Variants in CAPZA1 observed in about 807,000 individuals in gnomAD.
CAPZA1 encodes the protein capping actin protein of muscle Z-line subunit alpha 1, also known as F-actin-capping protein subunit alpha-1.
A neutral mutation model predicts 40.8 loss-of-function variants in CAPZA1; 10 were observed. The ratio of observed to expected loss-of-function variants is 0.25; its 90% CI spans 0.15 to 0.42. The LOEUF is 0.42. Ranked by LOEUF, CAPZA1 falls within the 10% of genes least tolerant of loss-of-function variation. The pLI is 1.00. For synonymous variants in CAPZA1, 98 were observed against 115.0 expected (o/e 0.85, Z 0.95); for missense variants, 277 against 353.8 (o/e 0.78, Z 1.74).
chr1:112,623,627 C>T (rs1179460344), intron 1 of CAPZA1, among the ~76,000 whole-genome samples: 1 of 146,386 alleles, frequency 6.8e-6, no homozygotes, highest in Non-Finnish European at 1.5e-5. Flanking sequence ...GTTGCGGTGA[C>T]CCGAGATCAC....
chr1:112,659,586 C>CT (rs774399493), intron 6 of CAPZA1, 115 bp from the exon 7 acceptor site: 2,976 of 492,476 alleles, frequency 6.0e-3, no homozygotes, highest in Non-Finnish European at 8.0e-3. Flanking sequence ...CTCTCTCTCT[C>CT]TTTTTTTTTT....
chr1:112,645,112 C>T (rs1570713325), intron 1 of CAPZA1, among the ~76,000 whole-genome samples: 1 of 152,202 alleles, frequency 6.6e-6, no homozygotes, highest in African/African-American at 2.4e-5. Flanking sequence ...CTTAGGCTCA[C>T]TCAGAAGATA....
intron 1 of CAPZA1, among the ~76,000 whole-genome samples, chr1:112,641,692 G>A (rs1036706540): frequency 5.9e-5 from 9 of 151,770 alleles, no homozygotes; most frequent in African/African-American, 1.7e-4. Flanking sequence ...AGTTCAAGAC[G>A]AGCCTAGCCA....
chr1:112,667,964 T>G (rs1012414699), intron 8 of CAPZA1, among the ~76,000 whole-genome samples: 1 of 152,056 alleles, frequency 6.6e-6, no homozygotes, highest in African/African-American at 2.4e-5. Flanking sequence ...GTTAGATCTA[T>G]CAATGTTTAC....
At chr1:112,654,413 G>C in intron 4 of CAPZA1, 52 bp from the exon 5 acceptor site, 1 of 1,187,712 alleles carries the variant, frequency 8.4e-7, no homozygotes. Flanking sequence ...ATAAAAGGCA[G>C]TAAGAATTGT....
At position 112,667,115 on chromosome 1, in the gene CAPZA1, T is replaced by C. The variant is rs763244171; in HGVS notation, c.627T>C (p.His209=). The stretch of plus-strand genomic sequence containing the variant: ...ATGGCAATGTTCAGTTGGTTAGTCA[T>C]AAAGATGTACAGGATTCACTAACTG... ...YEDGNVQLVS[H]KDVQDSLTVS... is the part of the protein sequence containing the mutation. The change falls in exon 8 of 10, where the codon CAT becomes CAC. Residue 209 remains histidine (H), a synonymous_variant. Coordinates refer to ENST00000263168, the MANE Select transcript of CAPZA1 (RefSeq NM_006135.3). 2.4e-5 allele frequency: 39 copies of C among 1,611,986 alleles called. No individual in the cohort carries two copies. The East Asian group carries it at 8.5e-4, about 35-fold the overall frequency.
chr1:112,656,474 ATAC>A (rs1489615553), intron 5 of CAPZA1, among the ~76,000 whole-genome samples: 2 of 106,304 alleles, frequency 1.9e-5, no homozygotes, highest in East Asian at 6.1e-4. Flanking sequence ...TTTAATGAGA[ATAC>A]CCATTATGGT....
At chr1:112,648,448 C>T (rs1385085622) in intron 2 of CAPZA1, among the ~76,000 whole-genome samples, 1 of 146,248 alleles carries the variant, frequency 6.8e-6, no homozygotes, top group African/African-American at 2.5e-5. Context: ...TCCCAAGTAG[C>T]TGGGACTACA....
chr1:112,659,195 C>CT, intron 6 of CAPZA1, 94 bp downstream of exon 6: 1 of 796,584 alleles, frequency 1.3e-6, no homozygotes, highest in Admixed American at 2.1e-5. Flanking sequence ...AATTATTTAA[C>CT]TTACAGACTT....
intron 5 of CAPZA1, among the ~76,000 whole-genome samples, chr1:112,658,017 CAG>C (rs1479072432): frequency 6.6e-6 from 1 of 152,230 alleles, no homozygotes; most frequent in Non-Finnish European, 1.5e-5. Flanking sequence ...GTCACAAAAA[CAG>C]TGGGTTTGGA....
intron 1 of CAPZA1, among the ~76,000 whole-genome samples, chr1:112,640,639 A>C (rs1450159512): frequency 6.6e-6 from 1 of 151,174 alleles, no homozygotes; most frequent in Non-Finnish European, 1.5e-5. Context: ...CCCATCCGGG[A>C]CGTGAGGGGT....
intron 7 of CAPZA1, among the ~76,000 whole-genome samples, chr1:112,661,727 T>G (rs1331592541): frequency 5.9e-5 from 9 of 152,232 alleles, no homozygotes. Context: ...GAAACAGCCA[T>G]TTGTATTTTA....
chr1:112,634,704 T>C (rs1025885176), intron 1 of CAPZA1: 1 of 152,210 alleles, frequency 6.6e-6, no homozygotes, highest in Non-Finnish European at 1.5e-5. Flanking sequence ...ACAATTTTTT[T>C]AAATTTAATA....
At chr1:112,636,635 GC>G (rs1427168927) in intron 1 of CAPZA1, among the ~76,000 whole-genome samples, 1 of 151,046 alleles carries the variant, frequency 6.6e-6, no homozygotes, top group African/African-American at 2.4e-5. Context: ...TTTTTTTTAA[GC>G]AGCAGTTCAG....
At chr1:112,631,803 C>A (rs1161634362) in intron 1 of CAPZA1, among the ~76,000 whole-genome samples, 1 of 151,970 alleles carries the variant, frequency 6.6e-6, no homozygotes, top group Non-Finnish European at 1.5e-5. Flanking sequence ...AATTTTTTAA[C>A]CTTGTGGGTA....
chr1:112,665,710 T>C (rs139848874), intron 7 of CAPZA1, among the ~76,000 whole-genome samples: 91 of 152,284 alleles, frequency 6.0e-4, no homozygotes, highest in Non-Finnish European at 1.0e-3. Flanking sequence ...GAGAGCTTGA[T>C]TGAGCCTCTT....
intron 7 of CAPZA1, among the ~76,000 whole-genome samples, chr1:112,666,251 T>G (rs1671723368): frequency 6.6e-6 from 1 of 152,250 alleles, no homozygotes; most frequent in Non-Finnish European, 1.5e-5. Flanking sequence ...CCAGTTATAC[T>G]CCATTCTGTT....
chr1:112,662,463 A>C (rs1570725627), intron 7 of CAPZA1, among the ~76,000 whole-genome samples: 1 of 125,966 alleles, frequency 7.9e-6, no homozygotes, highest in Non-Finnish European at 1.6e-5. Flanking sequence ...CAGTGGCAGG[A>C]TCTCGGCTCA....
chr1:112,637,335 A>G (rs1671040789), intron 1 of CAPZA1, among the ~76,000 whole-genome samples: 1 of 152,252 alleles, frequency 6.6e-6, no homozygotes, highest in Non-Finnish European at 1.5e-5. Context: ...TCTAGGTCTC[A>G]GTCCTGGGTA....
Sources: gnomAD v4.1 joint callset for allele counts (sites outside exome capture counted in the v4.1 genomes callset) on GRCh38, gnomAD v4.1.1 for gene constraint, MANE v1.5 for transcripts, NCBI Gene and HGNC (gene_info 2026-07-23, HGNC 2026-07-21) for gene names.